The following SLC9B1 variants were observed in gnomAD, a reference collection of about 807,000 sequenced individuals.
The protein encoded by SLC9B1 is sodium/hydrogen exchanger 9B1.
In SLC9B1, 32 loss-of-function variants were observed where a neutral mutation model predicts 51.7. The ratio of observed to expected loss-of-function variants is 0.62; its 90% CI spans 0.47 to 0.83. The LOEUF (loss-of-function observed/expected upper bound fraction) is 0.83. SLC9B1 is among the 40% of genes least tolerant of loss of function. The pLI is 0.00. For missense variants in SLC9B1, 406 were observed against 613.2 expected (o/e 0.66, Z 3.57); for synonymous variants, 145 against 212.7 (o/e 0.68, Z 2.77).
intron 3 of SLC9B1, among the ~76,000 whole-genome samples, chr4:102,975,761 G>T (rs920934109): frequency 6.6e-6 from 1 of 151,126 alleles, no homozygotes; most frequent in African/African-American, 2.4e-5. Flanking sequence ...TAGAGATGGG[G>T]TTTCACCATG....
At chr4:102,889,381 T>C (rs1028670668) in intron 11 of SLC9B1, 5 of 152,246 alleles carry the variant, frequency 3.3e-5, no homozygotes, top group South Asian at 4.1e-4. Context: ...ATTTTGGATA[T>C]CCTGATCTGT....
intron 3 of SLC9B1, among the ~76,000 whole-genome samples, chr4:102,972,290 CCACTA>C (rs1738806548): frequency 6.6e-6 from 1 of 152,194 alleles, no homozygotes; most frequent in South Asian, 2.1e-4. Flanking sequence ...AGCTTAACCA[CCACTA>C]TCAAGTCGGC....
At chr4:102,947,640 A>C (rs1737333701) in intron 4 of SLC9B1, among the ~76,000 whole-genome samples, 1 of 152,236 alleles carries the variant, frequency 6.6e-6, no homozygotes, top group Non-Finnish European at 1.5e-5. Flanking sequence ...GGCATGAGCC[A>C]CCGTGCCTGG....
intron 1 of SLC9B1, among the ~76,000 whole-genome samples, chr4:103,011,516 T>G (rs1350217266): frequency 1.3e-5 from 2 of 152,176 alleles, no homozygotes; most frequent in Non-Finnish European, 1.5e-5. Flanking sequence ...GGGGGCTCTC[T>G]GCGGTATCCC....
At chr4:102,994,242 T>G (rs1389603003) in intron 1 of SLC9B1, among the ~76,000 whole-genome samples, 4 of 152,212 alleles carry the variant, frequency 2.6e-5, no homozygotes, top group Non-Finnish European at 4.4e-5. Context: ...AGAAATTTCT[T>G]CTGCCAGATA....
At chr4:102,895,341 G>C (rs1183432659) in intron 11 of SLC9B1, among the ~76,000 whole-genome samples, 1 of 152,126 alleles carries the variant, frequency 6.6e-6, no homozygotes, top group Non-Finnish European at 1.5e-5. Flanking sequence ...TACATAAATG[G>C]AGACAGGAAG....
chr4:102,885,998 T>C (rs1733891083), intron 11 of SLC9B1, among the ~76,000 whole-genome samples: 1 of 152,194 alleles, frequency 6.6e-6, no homozygotes, highest in Non-Finnish European at 1.5e-5. Context: ...ATCTGTTTCT[T>C]GTACTTGATC....
chr4:102,980,552 TG>T (rs572898324), intron 3 of SLC9B1, among the ~76,000 whole-genome samples: 8 of 151,304 alleles, frequency 5.3e-5, no homozygotes, highest in Non-Finnish European at 1.2e-4. Flanking sequence ...TGAGAACACA[TG>T]GGGGGAACAA....
intron 1 of SLC9B1, among the ~76,000 whole-genome samples, chr4:102,992,223 G>A (rs111801246): frequency 1.8e-3 from 279 of 152,076 alleles, no homozygotes; most frequent in African/African-American, 6.5e-3. Context: ...TATCTATAAA[G>A]TTTTATTTTG....
chr4:102,928,533 C>A (rs1736300923), intron 7 of SLC9B1, among the ~76,000 whole-genome samples: 1 of 152,220 alleles, frequency 6.6e-6, no homozygotes, highest in Non-Finnish European at 1.5e-5. Context: ...GTTCCACCCT[C>A]TGCACATTAC....
chr4:103,002,727 C>T (rs1288666679), intron 1 of SLC9B1, among the ~76,000 whole-genome samples: 2 of 152,218 alleles, frequency 1.3e-5, no homozygotes, highest in Non-Finnish European at 2.9e-5. Flanking sequence ...ATTCCATTGC[C>T]TCTGAGCAGC....
Position 102,932,237 on chromosome 4 carries a change from T to C in SLC9B1, c.716A>G (p.Asn239Ser). 1 of 1,611,842 alleles carries C rather than the reference T, an allele frequency of 6.2e-7. No individual in the cohort carries two copies. The highest frequency in any genetic ancestry group is 2.2e-5 in the East Asian group (1 of 44,852). Residue 239 changes from asparagine to serine, a missense_variant, in exon 7 of 12, where the codon AAT becomes AGT. Physicochemically the swap from Asn to Ser is conservative, Grantham distance 46. Coordinates refer to ENST00000296422, the MANE Select transcript of SLC9B1 (RefSeq NM_139173.4). Reference protein sequence around the residue: ...VVPYMMVLQENGYGVEEGIPT... With the variant: ...VVPYMMVLQESGYGVEEGIPT... Reference sequence around the variant, plus strand: ...AATGCCTTCCTCAACACCATATCCATTTTCTTGCAGCACCATCATGTAAGG... The same window carrying C: ...AATGCCTTCCTCAACACCATATCCACTTTCTTGCAGCACCATCATGTAAGG...
chr4:103,017,520 T>G, intron 1 of SLC9B1, among the ~76,000 whole-genome samples: 1 of 152,186 alleles, frequency 6.6e-6, no homozygotes, highest in Non-Finnish European at 1.5e-5. Context: ...CATTTTAGCT[T>G]CAGTGGTCTT....
At chr4:102,903,901 G>A (rs556693359) in intron 11 of SLC9B1, among the ~76,000 whole-genome samples, 32 of 152,256 alleles carry the variant, frequency 2.1e-4, no homozygotes, top group South Asian at 6.2e-4. Flanking sequence ...CTGTCCTTAC[G>A]TAGTCTATCA....
chr4:102,994,006 C>T (rs1410467781), intron 1 of SLC9B1, among the ~76,000 whole-genome samples: 1 of 152,130 alleles, frequency 6.6e-6, no homozygotes, highest in Non-Finnish European at 1.5e-5. Flanking sequence ...GGTCTCCAGG[C>T]CTGTGATGGG....
intron 3 of SLC9B1, among the ~76,000 whole-genome samples, chr4:102,961,219 G>A (rs1001483562): frequency 1.9e-4 from 28 of 150,780 alleles, no homozygotes; most frequent in African/African-American, 2.4e-4. Context: ...AGAATTTTGC[G>A]TACAAGGAGT....
intron 1 of SLC9B1, among the ~76,000 whole-genome samples, chr4:103,000,391 AAGTCTTAATTCATTCC>A (rs1740457593): frequency 6.6e-6 from 1 of 152,118 alleles, no homozygotes. Context: ...CAATCCCCCA[AAGTCTTAATTCATTCC>A]AGCATTAACT....
chr4:102,891,693 T>G (rs1353311133), intron 11 of SLC9B1: 2 of 152,236 alleles, frequency 1.3e-5, no homozygotes, highest in African/African-American at 4.8e-5. Flanking sequence ...TTGAAACATT[T>G]TTCAAGCTTA....
At chr4:102,959,874 T>G (rs1310019883) in intron 3 of SLC9B1, among the ~76,000 whole-genome samples, 1 of 152,110 alleles carries the variant, frequency 6.6e-6, no homozygotes, top group South Asian at 2.1e-4. Flanking sequence ...CAAAAACAAT[T>G]GGGTATTAAT....
Sources: gnomAD v4.1 joint callset for allele counts (sites outside exome capture counted in the v4.1 genomes callset) on GRCh38, gnomAD v4.1.1 for gene constraint, MANE v1.5 for transcripts, NCBI Gene and HGNC (gene_info 2026-07-23, HGNC 2026-07-21) for gene names.